The following ASIC2 variants were observed in gnomAD, a reference collection of about 807,000 sequenced individuals.
ASIC2 encodes acid sensing ion channel subunit 2.
ASIC2 carries 25 observed loss-of-function variants against 57.3 expected under a neutral mutation model. The observed-to-expected ratio is 0.44, with a 90% confidence interval of 0.32 to 0.61. The LOEUF (loss-of-function observed/expected upper bound fraction) is 0.61. Ranked by LOEUF, ASIC2 falls within the 20% of genes least tolerant of loss-of-function variation. The pLI, the probability that ASIC2 is intolerant of heterozygous loss-of-function variation, is 0.06. For missense variants in ASIC2, 641 were observed against 738.1 expected (o/e 0.87, Z 1.52); for synonymous variants, 319 against 307.5 (o/e 1.04, Z -0.39).
chr17:34,064,261 A>C (rs779231751), intron 1 of ASIC2, among the ~76,000 whole-genome samples: 19 of 152,188 alleles, frequency 1.2e-4, no homozygotes, highest in Admixed American at 2.6e-4. Flanking sequence ...AAGCAAACAA[A>C]AATATAAAGT....
chr17:33,294,366 G>A (rs186648736), upstream of ASIC2, among the ~76,000 whole-genome samples: 7 of 152,188 alleles, frequency 4.6e-5, no homozygotes, highest in South Asian at 1.5e-3. Context: ...GGTGTGGAGA[G>A]GAGTTTTACC....
intron 1 of ASIC2, among the ~76,000 whole-genome samples, chr17:33,767,859 A>G (rs1302100074): frequency 6.6e-6 from 1 of 152,238 alleles, no homozygotes; most frequent in East Asian, 1.9e-4. Context: ...TTACCCACCA[A>G]TCTTGAGATA....
intron 1 of ASIC2, chr17:34,038,606 T>C (rs956763426): frequency 1.3e-5 from 21 of 1,602,238 alleles, no homozygotes; most frequent in Admixed American, 1.7e-5. Context: ...ATCTTCATTA[T>C]GTATCCTTTT....
intron 1 of ASIC2, among the ~76,000 whole-genome samples, chr17:33,778,302 A>G (rs11080234): frequency 0.64 from 97,514 of 151,974 alleles, 32,210 homozygotes; most frequent in Non-Finnish European, 0.73. Flanking sequence ...TGGAACCAAT[A>G]CATCCAAAAG....
At chr17:33,430,303 G>A (rs950931406) in intron 1 of ASIC2, among the ~76,000 whole-genome samples, 19 of 152,164 alleles carry the variant, frequency 1.2e-4, no homozygotes, top group African/African-American at 3.1e-4. Context: ...GGAAGGAGGA[G>A]GGCTGGGAAG....
At chr17:33,918,729 C>T (rs1356545079) in intron 1 of ASIC2, among the ~76,000 whole-genome samples, 1 of 152,160 alleles carries the variant, frequency 6.6e-6, no homozygotes, top group Non-Finnish European at 1.5e-5. Flanking sequence ...AAACAGGATT[C>T]TAGTTTTTAG....
At chr17:33,243,750 A>G (rs1313872599) in intron 1 of ASIC2, among the ~76,000 whole-genome samples, 1 of 152,246 alleles carries the variant, frequency 6.6e-6, no homozygotes, top group Non-Finnish European at 1.5e-5. Flanking sequence ...TCACTTAAAA[A>G]TACTTTTTAG....
At chr17:33,230,252 G>A (rs1160276903) in intron 1 of ASIC2, among the ~76,000 whole-genome samples, 1 of 152,246 alleles carries the variant, frequency 6.6e-6, no homozygotes, top group Non-Finnish European at 1.5e-5. Flanking sequence ...CCAGCTATGG[G>A]CTCTGACTTC....
At chr17:34,100,215 T>C (rs536900938) in intron 1 of ASIC2, among the ~76,000 whole-genome samples, 12 of 150,844 alleles carry the variant, frequency 8.0e-5, no homozygotes, top group African/African-American at 2.9e-4. Context: ...CAATTGGTGA[T>C]TCATAGGCAC....
At chr17:33,120,822 T>C (rs757262796) in intron 1 of ASIC2, among the ~76,000 whole-genome samples, 11 of 152,184 alleles carry the variant, frequency 7.2e-5, no homozygotes, top group Non-Finnish European at 1.6e-4. Context: ...ATCTCTGTGT[T>C]CCCAGGGCCT....
intron 1 of ASIC2, among the ~76,000 whole-genome samples, chr17:33,331,557 A>C (rs1907312033): frequency 6.6e-6 from 1 of 152,214 alleles, no homozygotes; most frequent in Non-Finnish European, 1.5e-5. Context: ...ATAGAATTGA[A>C]AGACTTTTTA....
chr17:33,278,656 T>C (rs1904810842), intron 1 of ASIC2, among the ~76,000 whole-genome samples: 1 of 152,138 alleles, frequency 6.6e-6, no homozygotes, highest in Admixed American at 6.5e-5. Flanking sequence ...GTCAGCTCCA[T>C]TTCCCTCTGT....
intron 1 of ASIC2, among the ~76,000 whole-genome samples, chr17:33,775,605 G>A (rs1911245691): frequency 6.6e-6 from 1 of 152,160 alleles, no homozygotes; most frequent in East Asian, 1.9e-4. Flanking sequence ...TGTGTGGTGA[G>A]TGATGTGCGT....
At chr17:33,139,732 T>A (rs1036401976) in intron 1 of ASIC2, among the ~76,000 whole-genome samples, 3 of 152,172 alleles carry the variant, frequency 2.0e-5, no homozygotes, top group Non-Finnish European at 4.4e-5. Context: ...GACACCCCTA[T>A]CATGGGCCAT....
intron 1 of ASIC2, among the ~76,000 whole-genome samples, chr17:33,915,379 G>C (rs1915561518): frequency 6.6e-6 from 1 of 152,144 alleles, no homozygotes; most frequent in Non-Finnish European, 1.5e-5. Flanking sequence ...CTCTACCCCA[G>C]CCTTTCTTGG....
At chr17:33,785,722 C>T (rs1166321559) in intron 1 of ASIC2, among the ~76,000 whole-genome samples, 2 of 152,118 alleles carry the variant, frequency 1.3e-5, no homozygotes, top group Non-Finnish European at 2.9e-5. Context: ...GTCAAATGGT[C>T]CAATGGTCAA....
intron 1 of ASIC2, among the ~76,000 whole-genome samples, chr17:33,299,204 G>A (rs1250917995): frequency 1.3e-5 from 2 of 152,224 alleles, no homozygotes; most frequent in Non-Finnish European, 2.9e-5. Context: ...CAAGACTACA[G>A]TAACCAAAAC....
intron 1 of ASIC2, among the ~76,000 whole-genome samples, chr17:34,032,095 A>T (rs971326731): frequency 1.6e-4 from 24 of 152,182 alleles, no homozygotes; most frequent in African/African-American, 5.3e-4. Context: ...GGAAAAAATG[A>T]TCAGGGTAGC....
intron 1 of ASIC2, among the ~76,000 whole-genome samples, chr17:33,502,788 T>G (rs1234613731): frequency 6.6e-6 from 1 of 152,246 alleles, no homozygotes; most frequent in African/African-American, 2.4e-5. Context: ...CTTCGATAAC[T>G]TTTAAATTCT....
Sources: gnomAD v4.1 joint callset for allele counts (sites outside exome capture counted in the v4.1 genomes callset) on GRCh38, gnomAD v4.1.1 for gene constraint, MANE v1.5 for transcripts, NCBI Gene and HGNC (gene_info 2026-07-23, HGNC 2026-07-21) for gene names.